The following CCDC171 variants were observed in gnomAD, a reference collection of about 807,000 sequenced individuals.
The protein encoded by CCDC171 is coiled-coil domain containing 171.
In CCDC171, 177 loss-of-function variants were observed where a neutral mutation model predicts 168.2. That is an observed-to-expected ratio of 1.05 (90% CI 0.93 to 1.19). The LOEUF (loss-of-function observed/expected upper bound fraction) is 1.19, where lower values mean the gene tolerates loss of function less well. CCDC171 is among the 50% of genes most tolerant of loss of function. The pLI, the probability that CCDC171 is intolerant of heterozygous loss-of-function variation, is 0.00. For synonymous variants in CCDC171, 687 were observed against 540.8 expected (o/e 1.27, Z -3.75); for missense variants, 1,991 against 1,539.0 (o/e 1.29, Z -4.91).
At chr9:15,599,742 G>T (rs1453504250) in intron 6 of CCDC171, among the ~76,000 whole-genome samples, 1 of 152,140 alleles carries the variant, frequency 6.6e-6, no homozygotes, top group Non-Finnish European at 1.5e-5. Flanking sequence ...CCTGCAGAGT[G>T]TTCTCCACTT....
Position 15,777,685 on chromosome 9 carries a change from A to G in CCDC171, c.2757A>G (p.Val919=). ...FAKLMDKISL[V]MECIPLHSSR... is the part of the protein sequence containing the mutation. ...AACTCATGGATAAAATTAGTCTGGT[A>G]ATGGAATGTATACCTCTGCACAGTA... Residue 919 remains valine (V), a synonymous_variant, in exon 19 of 26, where the codon GTA becomes GTG. Coordinates refer to ENST00000380701, the MANE Select transcript of CCDC171 (RefSeq NM_173550.4). 1.2e-6 allele frequency: 2 copies of G among 1,614,036 alleles called. No homozygotes were observed. Among genetic ancestry groups the G allele is most frequent in the South Asian group, 2.2e-5 (2 of 91,068 alleles).
chr9:15,970,779 T>G (rs1251158119), intron 25 of CCDC171, among the ~76,000 whole-genome samples: 1 of 152,198 alleles, frequency 6.6e-6, no homozygotes, highest in Non-Finnish European at 1.5e-5. Flanking sequence ...GATTTCTAAA[T>G]ACTTATAATA....
chr9:16,094,500 T>G, the CCDC171 span, among the ~76,000 whole-genome samples: 1 of 152,274 alleles, frequency 6.6e-6, no homozygotes, highest in African/African-American at 2.4e-5. Flanking sequence ...CAGAACCTGA[T>G]GACCAATTTG....
chr9:15,911,153 C>G (rs536295526), intron 24 of CCDC171, among the ~76,000 whole-genome samples: 8 of 152,202 alleles, frequency 5.3e-5, no homozygotes, highest in Middle Eastern at 3.4e-3. Context: ...CTAATTTACA[C>G]CCCCACCAAT....
intron 18 of CCDC171, among the ~76,000 whole-genome samples, chr9:15,753,558 A>G (rs1298932379): frequency 1.3e-5 from 2 of 152,158 alleles, no homozygotes; most frequent in East Asian, 1.9e-4. Context: ...AACACTTTCA[A>G]TGTTAAAATA....
At chr9:15,859,185 A>T (rs2061456302) in intron 23 of CCDC171, among the ~76,000 whole-genome samples, 1 of 152,050 alleles carries the variant, frequency 6.6e-6, no homozygotes. Flanking sequence ...AATGTTATGT[A>T]TCATAATTGA....
At chr9:15,977,044 C>T (rs533022847), downstream of CCDC171, among the ~76,000 whole-genome samples, 2 of 152,268 alleles carry the variant, frequency 1.3e-5, no homozygotes, top group African/African-American at 2.4e-5. Flanking sequence ...TTCCTCCAGT[C>T]CTCCTGGTTA....
At chr9:15,809,957 G>T (rs922122893) in intron 21 of CCDC171, among the ~76,000 whole-genome samples, 2 of 152,136 alleles carry the variant, frequency 1.3e-5, no homozygotes. Flanking sequence ...GAGCTGATTG[G>T]TCCGTTTTGA....
intron 6 of CCDC171, among the ~76,000 whole-genome samples, chr9:16,026,180 G>T (rs993858085): frequency 1.3e-5 from 2 of 152,110 alleles, no homozygotes; most frequent in Non-Finnish European, 1.5e-5. Context: ...GAACCTAAAG[G>T]TTGTGGAGTC....
chr9:15,611,019 C>T (rs1462730107), intron 6 of CCDC171, among the ~76,000 whole-genome samples: 1 of 152,070 alleles, frequency 6.6e-6, no homozygotes, highest in Non-Finnish European at 1.5e-5. Context: ...ATCATGGGGG[C>T]AGATTTCTCA....
intron 17 of CCDC171, 128 bp downstream of exon 17, chr9:15,744,905 A>T: frequency 1.2e-6 from 1 of 820,108 alleles, no homozygotes; most frequent in Non-Finnish European, 1.9e-6. Context: ...CATAGTCTCC[A>T]TATGTACGTA....
intron 16 of CCDC171, among the ~76,000 whole-genome samples, chr9:15,742,597 C>G (rs1391971698): frequency 6.6e-6 from 1 of 152,304 alleles, no homozygotes; most frequent in Non-Finnish European, 1.5e-5. Flanking sequence ...TTTTAGCACT[C>G]CCTGTGGGCC....
chr9:15,736,795 C>T (rs987970638), intron 16 of CCDC171, among the ~76,000 whole-genome samples: 7 of 152,044 alleles, frequency 4.6e-5, no homozygotes, highest in Non-Finnish European at 8.8e-5. Context: ...TCCACTTCAG[C>T]TTCCTGAGTA....
rs139075298 is a variant in CCDC171 at position 15,706,770 on chromosome 9, T to C, written c.1318+11433T>C. On this transcript the variant is annotated intron_variant, in intron 11 of 25. Transcript: ENST00000380701. Reference sequence around the variant, plus strand: ...CATGTTCACTGAGACTCCAACTTTCTTCAGCTTTCCTTGAGGAAATAATTT... The same window carrying C: ...CATGTTCACTGAGACTCCAACTTTCCTCAGCTTTCCTTGAGGAAATAATTT... 4.9e-4 allele frequency among the ~76,000 whole-genome samples: 74 copies of C among 152,308 alleles called. No homozygotes were observed. In the Middle Eastern group the frequency reaches 0.01, roughly 21 times the overall value.
intron 6 of CCDC171, among the ~76,000 whole-genome samples, chr9:15,601,132 A>G (rs1434211648): frequency 6.6e-6 from 1 of 152,058 alleles, no homozygotes; most frequent in African/African-American, 2.4e-5. Flanking sequence ...AGTGCACTGC[A>G]CCCACTGTCC....
chr9:15,725,466 T>C (rs1185986049), intron 14 of CCDC171, among the ~76,000 whole-genome samples: 2 of 152,166 alleles, frequency 1.3e-5, no homozygotes, highest in East Asian at 1.9e-4. Flanking sequence ...TTTTTCTTTT[T>C]TGAGACAAAG....
At chr9:15,554,962 T>C (rs4740614) in intron 1 of CCDC171, among the ~76,000 whole-genome samples, 82,148 of 151,914 alleles carry the variant, frequency 0.54, 22,570 homozygotes, top group East Asian at 0.74. Flanking sequence ...GAATTTCTAT[T>C]TTTTCATCCA....
At chr9:15,626,663 C>G (rs974075622) in intron 7 of CCDC171, among the ~76,000 whole-genome samples, 1 of 152,150 alleles carries the variant, frequency 6.6e-6, no homozygotes, top group African/African-American at 2.4e-5. Context: ...AGGGATGAAG[C>G]CCACTTGATC....
At chr9:16,100,789 C>G in the CCDC171 span, among the ~76,000 whole-genome samples, 2,149 of 152,292 alleles carry the variant, frequency 0.014, 35 homozygotes, top group Middle Eastern at 0.024. Context: ...CCCAGAGAGC[C>G]TGTCAGGCGC....
Sources: gnomAD v4.1 joint callset for allele counts (sites outside exome capture counted in the v4.1 genomes callset) on GRCh38, gnomAD v4.1.1 for gene constraint, MANE v1.5 for transcripts, NCBI Gene and HGNC (gene_info 2026-07-23, HGNC 2026-07-21) for gene names.